TEX14: variants seen among roughly 807,000 people sequenced by gnomAD.
The protein encoded by TEX14 is inactive serine/threonine-protein kinase TEX14.
In TEX14, 168 loss-of-function variants were observed where a neutral mutation model predicts 178.6. That is an observed-to-expected ratio of 0.94 (90% CI 0.83 to 1.07). The LOEUF (loss-of-function observed/expected upper bound fraction) is 1.07, where lower values mean the gene tolerates loss of function less well. TEX14 is among the 50% of genes least tolerant of loss of function. The probability of loss-of-function intolerance (pLI) is 0.00; values close to 1 mark genes in which losing one functional copy is unlikely to be tolerated. For synonymous variants in TEX14, 626 were observed against 634.1 expected, an observed-to-expected ratio of 0.99 and a Z score of 0.19; for missense variants, 1,730 against 1,753.6, an observed-to-expected ratio of 0.99 and a Z score of 0.24.
intron 20 of TEX14, 124 bp from the exon 21 acceptor site, chr17:58,577,580 A>C (rs555506324): frequency 2.8e-6 from 1 of 357,698 alleles, no homozygotes; most frequent in East Asian, 5.1e-5. Context: ...AATAATCTGG[A>C]TAAACAAAGT....
At chr17:58,566,223 G>C (rs1357830371) in intron 26 of TEX14, among the ~76,000 whole-genome samples, 1 of 152,174 alleles carries the variant, frequency 6.6e-6, no homozygotes, top group African/African-American at 2.4e-5. Context: ...CATTAATTCA[G>C]GATGAATGTT....
At chr17:58,598,345 G>C (rs2045343483) in intron 14 of TEX14, among the ~76,000 whole-genome samples, 1 of 151,072 alleles carries the variant, frequency 6.6e-6, no homozygotes, top group African/African-American at 2.4e-5. Context: ...AAAACCCAGA[G>C]TCTAGATAGC....
In TEX14 at chr17:58,630,518, G is replaced by T; in HGVS notation, c.173C>A (p.Thr58Lys). 1.2e-6 allele frequency: 2 copies of T among 1,613,990 alleles called. No homozygotes were observed. Among genetic ancestry groups the T allele is most frequent in the Non-Finnish European group, 1.7e-6 (2 of 1,179,930 alleles). The change falls in exon 3 of 32, where the codon ACA (threonine) becomes AAA (lysine). Residue 58 changes from threonine (T) to lysine (K), a missense_variant. Coordinates refer to ENST00000349033, the MANE Select transcript of TEX14 (RefSeq NM_031272.5). Reference protein sequence around the residue: ...YVDAVNSLGQTALFVAALLGL... With the variant: ...YVDAVNSLGQKALFVAALLGL... ...CAATAACGCCGCAACAAAAAGTGCT[G>T]TTTGGCCCAAGGAGTTAACTGCATC...
In TEX14 at chr17:58,574,254, G is replaced by C. The variant is rs1292294744; in HGVS notation, c.3321-5C>G. On this transcript the variant is annotated splice_region_variant and splice_polypyrimidine_tract_variant and intron_variant, in intron 21 of 31. Coordinates refer to ENST00000349033, the MANE Select transcript of TEX14 (RefSeq NM_031272.5). Reference sequence around the variant, plus strand: ...TCTTCTTGTTCATCTTCAGTACTGTGAGAAAGAAAGTAAGAAAATTACATA... The same window carrying C: ...TCTTCTTGTTCATCTTCAGTACTGTCAGAAAGAAAGTAAGAAAATTACATA... 10 of 1,609,762 alleles carry C rather than the reference G, an allele frequency of 6.2e-6. No homozygotes were observed. The highest frequency in any genetic ancestry group is 8.5e-6 in the Non-Finnish European group (10 of 1,176,828).
chr17:58,644,975 T>C (rs1411017696), intron 2 of TEX14, among the ~76,000 whole-genome samples: 1 of 148,750 alleles, frequency 6.7e-6, no homozygotes, highest in Non-Finnish European at 1.5e-5. Context: ...GTTGTATTCT[T>C]TTTTTTTTCT....
chr17:58,626,808 T>C (rs560871734), intron 3 of TEX14, among the ~76,000 whole-genome samples: 2 of 151,402 alleles, frequency 1.3e-5, no homozygotes, highest in East Asian at 3.9e-4. Flanking sequence ...GAAGCAGAGG[T>C]TGCAGTGAGC....
At chr17:58,689,164 G>A (rs943974705) in intron 1 of TEX14, among the ~76,000 whole-genome samples, 3 of 151,944 alleles carry the variant, frequency 2.0e-5, no homozygotes, top group East Asian at 1.9e-4. Flanking sequence ...TCCTGATCTC[G>A]TGATCCGCCC....
chr17:58,572,632 TAA>T (rs1313175015), intron 23 of TEX14, among the ~76,000 whole-genome samples: 93 of 131,476 alleles, frequency 7.1e-4, no homozygotes, highest in Middle Eastern at 4.1e-3. Context: ...ACTCTGTCTT[TAA>T]AAAAAAAAAA....
chr17:58,683,376 C>G lies in TEX14; in HGVS notation c.-2+8563G>C, dbSNP rs191059762. ...TGACAAAGCAAGACTCCATCCCCCCCCCCAAAAAAAAAAGGAAATATATGT... is the reference window on the plus strand; with the variant it reads ...TGACAAAGCAAGACTCCATCCCCCCGCCCAAAAAAAAAAGGAAATATATGT... On this transcript the variant is annotated intron_variant, in intron 1 of 31. Transcript: ENST00000349033. Among the ~76,000 whole-genome samples, 949 of 147,948 alleles carry G rather than the reference C, an allele frequency of 6.4e-3. 5 individuals carry two copies. Among genetic ancestry groups the G allele is most frequent in the Non-Finnish European group, 9.1e-3 (611 of 66,872 alleles).
rs949091208 is a variant in TEX14, at chr17:58,596,478, C to T, written c.2469+2398G>A. ...GATATCTTTTGTAGAAACAGGGTTT[C>T]GTTATGTTGCCCAGGCTGGTCTTGA... On this transcript the variant is annotated intron_variant, in intron 14 of 31. Coordinates refer to ENST00000349033, the MANE Select transcript of TEX14 (RefSeq NM_031272.5). Among the ~76,000 whole-genome samples, 8 of 152,138 alleles carry T rather than the reference C, an allele frequency of 5.3e-5. No individual in the cohort carries two copies. In the South Asian group the frequency reaches 8.3e-4, roughly 16 times the overall value.
At chr17:58,678,509 G>C (rs1308837205) in intron 1 of TEX14, among the ~76,000 whole-genome samples, 1 of 152,128 alleles carries the variant, frequency 6.6e-6, no homozygotes, top group African/African-American at 2.4e-5. Context: ...AAAAGGATGA[G>C]TTCATGTCCT....
intron 1 of TEX14, among the ~76,000 whole-genome samples, chr17:58,689,780 A>G (rs187955114): frequency 1.3e-5 from 2 of 152,276 alleles, no homozygotes; most frequent in African/African-American, 4.8e-5. Context: ...ATGACTACAG[A>G]GCAAATTGCA....
intron 1 of TEX14, among the ~76,000 whole-genome samples, chr17:58,671,438 A>AT (rs1331679302): frequency 6.6e-6 from 1 of 152,100 alleles, no homozygotes. Flanking sequence ...AGACCAGCAC[A>AT]TATCTCTAAC....
At chr17:58,571,843 G>T in intron 24 of TEX14, 78 bp downstream of exon 24, 1 of 1,270,708 alleles carries the variant, frequency 7.9e-7, no homozygotes. Flanking sequence ...AATGAATTTG[G>T]AGAAATCTTG....
chr17:58,591,500 A>G (rs2144435929), intron 15 of TEX14, among the ~76,000 whole-genome samples: 1 of 152,258 alleles, frequency 6.6e-6, no homozygotes, highest in South Asian at 2.1e-4. Flanking sequence ...CCTGGGGAAC[A>G]AGGGCGAAAC....
At chr17:58,624,627 C>T (rs2046092652) in intron 3 of TEX14, among the ~76,000 whole-genome samples, 1 of 152,016 alleles carries the variant, frequency 6.6e-6, no homozygotes, top group South Asian at 2.1e-4. Flanking sequence ...CAAGAGTGAG[C>T]CACCGCGCCC....
intron 6 of TEX14, 48 bp from the exon 7 acceptor site, chr17:58,616,353 C>A: frequency 1.3e-6 from 2 of 1,591,694 alleles, no homozygotes. Flanking sequence ...GGGGGAAAAG[C>A]AGAATACATC....
intron 1 of TEX14, among the ~76,000 whole-genome samples, chr17:58,668,864 A>C (rs896137945): frequency 4.6e-5 from 7 of 152,132 alleles, no homozygotes; most frequent in African/African-American, 1.7e-4. Flanking sequence ...GGGGGTCAAT[A>C]TATTACATCA....
At position 58,562,094 on chromosome 17, in the gene TEX14, G is replaced by GA. The variant is rs1055178037; in HGVS notation, c.4065-483dup. Among the ~76,000 whole-genome samples, 155 of 151,980 alleles carry GA rather than the reference G, an allele frequency of 1.0e-3. 1 individual carries two copies. The highest frequency in any genetic ancestry group is 3.4e-3 in the African/African-American group (143 of 41,464). On this transcript the variant is annotated intron_variant, in intron 28 of 31. Transcript: ENST00000349033. ...AGCAAGACTCTGTCTCAAAAAAAAAGAAGAAAGAAAGAAAGAAGAAATATG... is the reference window on the plus strand; with the variant it reads ...AGCAAGACTCTGTCTCAAAAAAAAAGAAAGAAAGAAAGAAAGAAGAAATATG...
Sources: gnomAD v4.1 joint callset for allele counts (sites outside exome capture counted in the v4.1 genomes callset) on GRCh38, gnomAD v4.1.1 for gene constraint, MANE v1.5 for transcripts, NCBI Gene and HGNC (gene_info 2026-07-23, HGNC 2026-07-21) for gene names.